ZFHX4: variants seen among roughly 807,000 people sequenced by gnomAD.
ZFHX4 encodes zinc finger homeobox 4.
A neutral mutation model predicts 267.6 loss-of-function variants in ZFHX4; 56 were observed. That is an observed-to-expected ratio of 0.21 (90% CI 0.17 to 0.26). ZFHX4 has a LOEUF of 0.26. ZFHX4 is among the 10% of genes least tolerant of loss of function. The pLI is 1.00. For missense variants in ZFHX4, 4,332 were observed against 4,420.0 expected (o/e 0.98, Z 0.56); for synonymous variants, 1,778 against 1,665.6 (o/e 1.07, Z -1.64).
At chr8:76,753,833 G>T (rs774372351) in intron 3 of ZFHX4, among the ~76,000 whole-genome samples, 1 of 151,960 alleles carries the variant, frequency 6.6e-6, no homozygotes, top group Non-Finnish European at 1.5e-5. Context: ...TTACTATGTT[G>T]CCCAGGCTGG....
intron 4 of ZFHX4, among the ~76,000 whole-genome samples, chr8:76,798,977 A>G (rs755616281): frequency 6.6e-6 from 1 of 152,216 alleles, no homozygotes; most frequent in Non-Finnish European, 1.5e-5. Context: ...AAGGACATGT[A>G]AAGAGGAGAG....
chr8:76,853,350 C>A lies in ZFHX4; in HGVS notation c.6429C>A (p.Ile2143=). The change falls in exon 10 of 11, where the codon ATC becomes ATA. Residue 2143 remains isoleucine, a synonymous_variant. Transcript: ENST00000651372. Reference sequence around the variant, plus strand: ...GAATTACAGATGATCAGCTAAAAATCCTGAGGGCTTATTTTGACATTAATA... The same window carrying A: ...GAATTACAGATGATCAGCTAAAAATACTGAGGGCTTATTTTGACATTAATA... The part of the protein sequence containing the change: ...RTRITDDQLK[I]LRAYFDINNS... The A allele has an allele frequency of 6.2e-7, 1 of 1,613,816 alleles. No homozygotes were observed. Among genetic ancestry groups the A allele is most frequent in the Non-Finnish European group, 8.5e-7 (1 of 1,179,852 alleles).
chr8:76,790,257 C>G (rs1410807965), intron 4 of ZFHX4, among the ~76,000 whole-genome samples: 1 of 152,006 alleles, frequency 6.6e-6, no homozygotes, highest in Non-Finnish European at 1.5e-5. Context: ...CGTATTAATT[C>G]CTTAAACTTT....
At chr8:76,747,712 A>G (rs889314788) in intron 3 of ZFHX4, among the ~76,000 whole-genome samples, 2 of 152,150 alleles carry the variant, frequency 1.3e-5, no homozygotes, top group African/African-American at 4.8e-5. Context: ...CAGGCGGATC[A>G]CCTGAGGTCA....
intron 5 of ZFHX4, among the ~76,000 whole-genome samples, chr8:76,835,253 A>ATATATGTATATATATGTG (rs1812061083): frequency 1.5e-5 from 2 of 136,718 alleles, no homozygotes; most frequent in East Asian, 2.1e-4. Context: ...ATATATATAT[A>ATATATGTATATATATGTG]TATATATTCA....
At chr8:76,786,400 A>G (rs1164814435) in intron 4 of ZFHX4, among the ~76,000 whole-genome samples, 2 of 150,530 alleles carry the variant, frequency 1.3e-5, no homozygotes, top group African/African-American at 4.9e-5. Context: ...GACATCGATG[A>G]TCATAAATTT....
At chr8:76,700,100 A>G (rs542607500) in intron 1 of ZFHX4, among the ~76,000 whole-genome samples, 35 of 152,102 alleles carry the variant, frequency 2.3e-4, no homozygotes, top group Non-Finnish European at 3.7e-4. Flanking sequence ...TGGAAACTTG[A>G]TATAATTCAA....
rs150071668 is a variant in ZFHX4, at chr8:76,767,697, A to C, written c.3094-10511A>C. Among the ~76,000 whole-genome samples the C allele has an allele frequency of 5.0e-3, 760 of 152,336 alleles. 5 individuals are homozygous for C. Among genetic ancestry groups the C allele is most frequent in the Middle Eastern group, 0.02 (6 of 294 alleles). The stretch of plus-strand genomic sequence containing the variant: ...ATTAAGTAACTTCCAAAAGTCAAGT[A>C]TCTGGTGAAGGGTAGAGGAAAAGTT... On this transcript the variant is annotated intron_variant, in intron 3 of 10. Coordinates refer to ENST00000651372, the MANE Select transcript of ZFHX4 (RefSeq NM_024721.5).
At chr8:76,841,949 G>T (rs957832023) in intron 5 of ZFHX4, among the ~76,000 whole-genome samples, 3 of 152,150 alleles carry the variant, frequency 2.0e-5, no homozygotes, top group African/African-American at 7.2e-5. Context: ...TAATCCACCA[G>T]CAGTGGCATA....
intron 4 of ZFHX4, among the ~76,000 whole-genome samples, chr8:76,785,555 G>A (rs773850504): frequency 1.3e-5 from 2 of 152,092 alleles, no homozygotes; most frequent in African/African-American, 2.4e-5. Context: ...TCTGAGAAGC[G>A]TAATACAAAG....
intron 3 of ZFHX4, among the ~76,000 whole-genome samples, chr8:76,776,682 C>A (rs1408290299): frequency 6.6e-6 from 1 of 152,198 alleles, no homozygotes. Flanking sequence ...CCATAACTTA[C>A]ATGAGCTACG....
At chr8:76,711,526 A>G (rs1808424369) in intron 3 of ZFHX4, among the ~76,000 whole-genome samples, 2 of 152,216 alleles carry the variant, frequency 1.3e-5, no homozygotes, top group South Asian at 2.1e-4. Flanking sequence ...CCCATTTATT[A>G]GATTTAATTA....
Position 76,704,054 on chromosome 8 carries a change from G to C in ZFHX4, c.-35G>C. On this transcript the variant is annotated 5_prime_UTR_variant, in exon 2 of 11. Transcript: ENST00000651372. Reference sequence around the variant, plus strand: ...TATTTTTTATCCAGGTCCCTGACAGGCTGGATGAAATGAGATCCCCATGTA... The same window carrying C: ...TATTTTTTATCCAGGTCCCTGACAGCCTGGATGAAATGAGATCCCCATGTA... The C allele has an allele frequency of 6.4e-7, 1 of 1,554,774 alleles. No homozygotes were observed. The highest frequency in any genetic ancestry group is 1.4e-5 in the African/African-American group (1 of 72,946).
chr8:76,810,308 C>T (rs982442725), intron 4 of ZFHX4, among the ~76,000 whole-genome samples: 1 of 152,096 alleles, frequency 6.6e-6, no homozygotes, highest in Non-Finnish European at 1.5e-5. Flanking sequence ...TGTGAAGATG[C>T]TGTGTCTAGG....
chr8:76,849,448 C>T (rs1812452022), intron 7 of ZFHX4, 64 bp from the exon 8 acceptor site: 1 of 1,437,854 alleles, frequency 7.0e-7, no homozygotes, highest in Non-Finnish European at 9.8e-7. Context: ...CAAAATACAA[C>T]TACTATGTAT....
chr8:76,706,566 C>T lies in ZFHX4; in HGVS notation c.2478C>T (p.Ala826=). 2 of 1,612,272 alleles carry T rather than the reference C, an allele frequency of 1.2e-6. No homozygotes were observed. Among genetic ancestry groups the T allele is most frequent in the Non-Finnish European group, 1.7e-6 (2 of 1,179,318 alleles). ...CAGAGCTTTATCAGTACTACCTAGC[C>T]CAGAACATAGGCCTGACCGGAATGA... ...AEAELYQYYL[A]QNIGLTGMKL... is the part of the protein sequence containing the mutation. Residue 826 remains alanine, a synonymous_variant, in exon 2 of 11, where the codon GCC becomes GCT. Transcript: ENST00000651372.
chr8:76,799,165 C>T (rs1218795666), intron 4 of ZFHX4, among the ~76,000 whole-genome samples: 3 of 152,086 alleles, frequency 2.0e-5, no homozygotes, highest in African/African-American at 4.8e-5. Context: ...TTTTTCATCA[C>T]GCTGTCCAGT....
At chr8:76,724,682 T>C (rs1808807470) in intron 3 of ZFHX4, among the ~76,000 whole-genome samples, 1 of 152,114 alleles carries the variant, frequency 6.6e-6, no homozygotes, top group Admixed American at 6.6e-5. Context: ...TGTAAGAATA[T>C]CTTTTGGTAA....
At chr8:76,799,941 G>C (rs1811075734) in intron 4 of ZFHX4, among the ~76,000 whole-genome samples, 1 of 152,132 alleles carries the variant, frequency 6.6e-6, no homozygotes, top group South Asian at 2.1e-4. Context: ...TGTTGCTTTT[G>C]AAAAGAAAGA....
Sources: gnomAD v4.1 joint callset for allele counts (sites outside exome capture counted in the v4.1 genomes callset) on GRCh38, gnomAD v4.1.1 for gene constraint, MANE v1.5 for transcripts, NCBI Gene and HGNC (gene_info 2026-07-23, HGNC 2026-07-21) for gene names.